The following STK3 variants were observed in gnomAD, a reference collection of about 807,000 sequenced individuals.
STK3 encodes the protein serine/threonine kinase 3.
STK3 carries 41 observed loss-of-function variants against 58.0 expected under a neutral mutation model. The observed-to-expected ratio is 0.71, with a 90% CI of 0.55 to 0.92. The LOEUF (loss-of-function observed/expected upper bound fraction) is 0.92. Among genes scored for constraint, STK3 ranks in the 40% least tolerant of loss-of-function variants. The probability of loss-of-function intolerance (pLI) is 0.00; values close to 1 mark genes in which losing one functional copy is unlikely to be tolerated. For missense variants in STK3, 479 were observed against 602.7 expected (o/e 0.79, Z 2.15); for synonymous variants, 170 against 191.0 (o/e 0.89, Z 0.91).
chr8:98,547,940 C>T, intron 9 of STK3, 29 bp downstream of exon 9: 4 of 1,501,448 alleles, frequency 2.7e-6, no homozygotes, highest in Non-Finnish European at 3.6e-6. Context: ...AATTAGAAAA[C>T]TAATATTTAA....
intron 10 of STK3, among the ~76,000 whole-genome samples, chr8:98,497,643 A>T (rs969870055): frequency 6.6e-6 from 1 of 152,190 alleles, no homozygotes; most frequent in Non-Finnish European, 1.5e-5. Context: ...GGGTCTGAAT[A>T]GACATTTCTC....
intron 6 of STK3, chr8:98,598,144 T>C (rs1214774547): frequency 3.0e-6 from 3 of 985,322 alleles, no homozygotes; most frequent in Non-Finnish European, 2.4e-6. Flanking sequence ...ATAAATATTG[T>C]TCATCTGCAC....
chr8:98,941,183 C>T (rs954591195), intron 1 of STK3, among the ~76,000 whole-genome samples: 9 of 152,254 alleles, frequency 5.9e-5, no homozygotes, highest in African/African-American at 2.2e-4. Context: ...GCTTTCCCAC[C>T]TCAGCCCTGC....
chr8:98,800,686 C>G lies in STK3; in HGVS notation c.26+24829G>C, dbSNP rs1833484248. On this transcript the variant is annotated intron_variant, in intron 1 of 10. Coordinates refer to ENST00000419617, the MANE Select transcript of STK3 (RefSeq NM_006281.4). The surrounding 1 kb of genome is among the most constrained non-coding windows in gnomAD (Gnocchi z 4.8). ...TTGATGGGCCCCGCACTCAGAGTGG[C>G]CAGCTGATGCCGCCAGCCCTGGGCA... Among the ~76,000 whole-genome samples the G allele has an allele frequency of 6.6e-6, 1 of 152,188 alleles. No individual in the cohort carries two copies. The highest frequency in any genetic ancestry group is 2.4e-5 in the African/African-American group (1 of 41,436).
chr8:98,372,982 GCTATTATTT>G (rs1163651548), intron 2 of STK3, among the ~76,000 whole-genome samples: 6 of 152,148 alleles, frequency 3.9e-5, no homozygotes, highest in African/African-American at 1.4e-4. Flanking sequence ...TATAATGGTT[GCTATTATTT>G]CTTCTTTATA....
At chr8:98,856,994 C>G (rs780952553) in intron 3 of STK3, among the ~76,000 whole-genome samples, 1 of 151,970 alleles carries the variant, frequency 6.6e-6, no homozygotes. Flanking sequence ...ATATAAAAGT[C>G]CGGAATAGAG....
chr8:98,601,826 T>C (rs1036537981), intron 6 of STK3, among the ~76,000 whole-genome samples: 9 of 152,328 alleles, frequency 5.9e-5, no homozygotes, highest in Admixed American at 4.6e-4. Flanking sequence ...ATTTCAGATG[T>C]AGGGCAGGGA....
chr8:98,833,741 A>T (rs118004426), intron 3 of STK3, among the ~76,000 whole-genome samples: 1,574 of 152,236 alleles, frequency 0.01, 16 homozygotes, highest in South Asian at 0.028. Context: ...CATAACCTGA[A>T]CTAGTTTTTC....
chr8:98,346,939 A>G, the STK3 span, among the ~76,000 whole-genome samples: 1 of 151,868 alleles, frequency 6.6e-6, no homozygotes, highest in Non-Finnish European at 1.5e-5. Flanking sequence ...CCTTTAAAAT[A>G]TAATTATATT....
At position 98,430,747 on chromosome 8, in the gene STK3, G is replaced by A. The variant is rs116037356; in HGVS notation, n.483+3380C>T. On this transcript the variant is annotated intron_variant and non_coding_transcript_variant, in intron 3 of 3. Transcript: ENST00000517832. ...CTTTCATGGGGGGTGACTGGGTAGA[G>A]GCCAGGAGAAAGGAAAGAGTTGTAA... 1.9e-3 allele frequency: 313 copies of A among 167,158 alleles called. 1 individual carries two copies. Among genetic ancestry groups the A allele is most frequent in the African/African-American group, 7.0e-3 (289 of 41,538 alleles). The allele number at this position is 167,158 out of a possible 1,614,324, so 10.4% of individuals were successfully genotyped here.
chr8:98,427,783 T>A, intron 3 of STK3: 1 of 555,838 alleles, frequency 1.8e-6, no homozygotes, highest in Non-Finnish European at 3.2e-6. Context: ...CAGCCTTTCC[T>A]GGGAGGGGAT....
At chr8:98,816,284 A>AGGCAAGACCACTTGAGCCCAGGAG (rs1213355052) in intron 1 of STK3, among the ~76,000 whole-genome samples, 1 of 152,230 alleles carries the variant, frequency 6.6e-6, no homozygotes, top group Non-Finnish European at 1.5e-5. Flanking sequence ...GGGGAGGCCA[A>AGGCAAGACCACTTGAGCCCAGGAG]GGCAAGACCA....
intron 1 of STK3, among the ~76,000 whole-genome samples, chr8:98,918,455 T>C (rs1353950598): frequency 6.6e-6 from 1 of 152,210 alleles, no homozygotes; most frequent in Non-Finnish European, 1.5e-5. Flanking sequence ...GCTCAGAGAA[T>C]ACAACTTAGT....
downstream of STK3, chr8:98,883,421 T>C: frequency 4.3e-6 from 2 of 469,358 alleles, no homozygotes; most frequent in South Asian, 5.3e-5. Context: ...TACAGCATAT[T>C]ACAAAATTTC....
At chr8:98,655,014 C>A (rs1260797895) in intron 6 of STK3, among the ~76,000 whole-genome samples, 1 of 151,950 alleles carries the variant, frequency 6.6e-6, no homozygotes, top group Non-Finnish European at 1.5e-5. Context: ...AAAAAAAGAG[C>A]CCGCATTGCC....
intron 1 of STK3, among the ~76,000 whole-genome samples, chr8:98,441,947 T>C (rs1818712014): frequency 1.3e-5 from 2 of 152,308 alleles, no homozygotes; most frequent in Middle Eastern, 3.4e-3. Flanking sequence ...GCCCCCAGGA[T>C]ACCTGCTCCT....
intron 4 of STK3, among the ~76,000 whole-genome samples, chr8:98,746,220 C>G (rs1041652659): frequency 6.6e-5 from 10 of 152,114 alleles, no homozygotes; most frequent in African/African-American, 2.4e-4. Context: ...AAGTAAAATA[C>G]GTCAACATTC....
intron 10 of STK3, among the ~76,000 whole-genome samples, chr8:98,457,780 C>T (rs960127449): frequency 6.6e-6 from 1 of 152,082 alleles, no homozygotes; most frequent in Non-Finnish European, 1.5e-5. Flanking sequence ...ATAAAGCAAA[C>T]AATTATCATT....
intron 8 of STK3, among the ~76,000 whole-genome samples, chr8:98,555,635 T>C (rs1343213259): frequency 6.6e-6 from 1 of 152,128 alleles, no homozygotes; most frequent in African/African-American, 2.4e-5. Flanking sequence ...CATTCTGCTA[T>C]AGCATGAAAA....
Sources: gnomAD v4.1 joint callset for allele counts (sites outside exome capture counted in the v4.1 genomes callset) on GRCh38, gnomAD v4.1.1 for gene constraint, Gnocchi (gnomAD v3.1) non-coding constraint, MANE v1.5 for transcripts, NCBI Gene and HGNC (gene_info 2026-07-23, HGNC 2026-07-21) for gene names.